The following PPARA variants were observed in gnomAD, a reference collection of about 807,000 sequenced individuals.
PPARA encodes the protein peroxisome proliferator activated receptor alpha.
PPARA carries 22 observed loss-of-function variants against 42.2 expected under a neutral mutation model. That is an observed-to-expected ratio of 0.52 (90% CI 0.37 to 0.74). The LOEUF is 0.74. Among genes scored for constraint, PPARA ranks in the 30% least tolerant of loss-of-function variants. The pLI is 0.00. For synonymous variants in PPARA, 242 were observed against 239.3 expected (o/e 1.01, Z -0.10); for missense variants, 465 against 608.2 (o/e 0.76, Z 2.48).
In PPARA at chr22:46,198,438, C is replaced by G; in HGVS notation, c.55C>G (p.Leu19Val). 1.2e-6 allele frequency: 2 copies of G among 1,613,874 alleles called. No homozygotes were observed. The highest frequency in any genetic ancestry group is 1.7e-6 in the Non-Finnish European group (2 of 1,179,958). The change falls in exon 4 of 9, where the codon CTA (leucine) becomes GTA (valine). Residue 19 changes from leucine (L) to valine (V), a missense_variant. Coordinates refer to ENST00000407236, the MANE Select transcript of PPARA (RefSeq NM_005036.6). ...CPLSPLEAGD[L>V]ESPLSEEFLQ... ...CCTCTCCCCACTCGAGGCCGGCGAT[C>G]TAGAGAGCCCGTTATCTGAAGAGTT...
chr22:46,175,040 T>C (rs1928813008), intron 2 of PPARA, among the ~76,000 whole-genome samples: 1 of 151,980 alleles, frequency 6.6e-6, no homozygotes, highest in African/African-American at 2.4e-5. Flanking sequence ...GCCTCCTGAG[T>C]AGCTGGGTTC....
intron 3 of PPARA, among the ~76,000 whole-genome samples, chr22:46,189,049 C>T (rs559986963): frequency 2.4e-4 from 37 of 152,336 alleles, no homozygotes; most frequent in Non-Finnish European, 5.0e-4. Flanking sequence ...CTATGCGTCC[C>T]ATCCTGTATC....
rs575362253 is a variant in PPARA at position 46,232,919 on chromosome 22, T to C, written c.1159+680T>C. 2.8e-4 allele frequency among the ~76,000 whole-genome samples: 41 copies of C among 148,206 alleles called. No individual in the cohort carries two copies. The highest frequency in any genetic ancestry group is 8.7e-4 in the African/African-American group (35 of 40,172). On this transcript the variant is annotated intron_variant, in intron 8 of 8. Coordinates refer to ENST00000407236, the MANE Select transcript of PPARA (RefSeq NM_005036.6). The surrounding 1 kb of genome is among the most constrained non-coding windows in gnomAD (Gnocchi z 5.3). ...ATCACTTAAGCCCAGGAGACAAAGGTTGCAGTGAGCCAAGGTCACGCCACC... is the reference window on the plus strand; with the variant it reads ...ATCACTTAAGCCCAGGAGACAAAGGCTGCAGTGAGCCAAGGTCACGCCACC...
intron 3 of PPARA, 91 bp from the exon 4 acceptor site, chr22:46,198,251 A>G (rs1302530016): frequency 6.4e-6 from 3 of 465,454 alleles, no homozygotes; most frequent in African/African-American, 2.1e-5. Flanking sequence ...AAAAAAAAAA[A>G]AAGAATAAAT....
At position 46,242,240 on chromosome 22, in the gene PPARA, A is replaced by G. The variant is rs1936391656; in HGVS notation, c.*6860A>G. 1 of 152,574 alleles carries G rather than the reference A, an allele frequency of 6.6e-6. No individual in the cohort carries two copies. Among genetic ancestry groups the G allele is most frequent in the South Asian group, 2.1e-4 (1 of 4,834 alleles). 9.5% of individuals were successfully genotyped at this position (152,574 alleles called of 1,614,324 possible). A position where few individuals can be genotyped will look rare whatever the true frequency, so the allele number is the denominator to read the frequency against. ...GGGGGGCATGCCGCAGCCCTGGGAC[A>G]CAGTCGGGCACCTTCCCCGGACCCC... On this transcript the variant is annotated 3_prime_UTR_variant, in exon 9 of 9. Coordinates refer to ENST00000407236, the MANE Select transcript of PPARA (RefSeq NM_005036.6). This position sits in a 1 kb window ranked among gnomAD's most constrained non-coding sequence, Gnocchi z 6.1.
At chr22:46,207,668 ATTATTATTATTTTTTTTTTTTTTT>A (rs1371171505) in intron 4 of PPARA, among the ~76,000 whole-genome samples, 2 of 79,768 alleles carry the variant, frequency 2.5e-5, no homozygotes, top group Admixed American at 1.3e-4. Flanking sequence ...TATTATTATT[ATTATTATTATTTTTTTTTTTTTTT>A]TTTTTTTTAG....
In PPARA at chr22:46,157,725, A is replaced by G. The variant is rs537967486; in HGVS notation, c.-127+5755A>G. Among the ~76,000 whole-genome samples, 3 of 152,092 alleles carry G rather than the reference A, an allele frequency of 2.0e-5. No homozygotes were observed. In the South Asian group the frequency reaches 6.2e-4, roughly 32 times the overall value. ...GGGAAGTGAGGTGGGCAGCACTGAT[A>G]TTTAACAAGGTGAGGGTCCTTCTCC... On this transcript the variant is annotated intron_variant, in intron 2 of 8. Coordinates refer to ENST00000407236, the MANE Select transcript of PPARA (RefSeq NM_005036.6).
rs1396392712 is a variant in PPARA, at chr22:46,234,176, C to A, written c.1160-957C>A. 2.0e-5 allele frequency among the ~76,000 whole-genome samples: 3 copies of A among 152,104 alleles called. No individual in the cohort carries two copies. Among genetic ancestry groups the A allele is most frequent in the Non-Finnish European group, 4.4e-5 (3 of 68,026 alleles). ...GTTATAGCCCCAGCCACTCTGGAGG[C>A]CGAGGCAGGAGGATTGCTTGAGCCT... is the stretch of plus-strand genomic sequence containing the variant. On this transcript the variant is annotated intron_variant, in intron 8 of 8. Coordinates refer to ENST00000407236, the MANE Select transcript of PPARA (RefSeq NM_005036.6). The surrounding 1 kb of genome is among the most constrained non-coding windows in gnomAD (Gnocchi z 5.8).
chr22:46,157,060 C>T (rs1285908426), intron 2 of PPARA, among the ~76,000 whole-genome samples: 1 of 152,182 alleles, frequency 6.6e-6, no homozygotes, highest in Non-Finnish European at 1.5e-5. Flanking sequence ...CATGCCTGGA[C>T]ACAGTTCCGT....
At chr22:46,155,883 A>T (rs983240067) in intron 2 of PPARA, 9 of 152,252 alleles carry the variant, frequency 5.9e-5, no homozygotes, top group Admixed American at 3.9e-4. Flanking sequence ...GCTTGCATGC[A>T]CTGAGCTTCT....
chr22:46,159,079 C>T (rs911336836), intron 2 of PPARA, among the ~76,000 whole-genome samples: 13 of 151,952 alleles, frequency 8.6e-5, no homozygotes, highest in African/African-American at 2.9e-4. Flanking sequence ...TTAGTGGAGA[C>T]GGGCTTTCAC....
In PPARA at chr22:46,231,854, G is replaced by C. The variant is rs188672627; in HGVS notation, c.774G>C (p.Leu258=). ...CTGAGAAGACGCTGGTGGCCAAGCT[G>C]GTGGCCAATGGCATCCAGAACAAGG... The part of the protein sequence containing the change: ...CMAEKTLVAK[L]VANGIQNKEA... The change falls in exon 8 of 9, where the codon CTG becomes CTC. Residue 258 remains leucine, a synonymous_variant. Transcript: ENST00000407236. The surrounding 1 kb of genome is among the most constrained non-coding windows in gnomAD (Gnocchi z 7.7). The C allele has an allele frequency of 5.9e-5, 96 of 1,614,092 alleles. No homozygotes were observed. The African/African-American group carries it at 1.1e-3, about 18-fold the overall frequency.
intron 2 of PPARA, among the ~76,000 whole-genome samples, chr22:46,170,132 C>T (rs946521754): frequency 2.0e-5 from 3 of 150,406 alleles, no homozygotes; most frequent in Non-Finnish European, 3.0e-5. Flanking sequence ...TTTAGAAAAA[C>T]ATTTGTTCTG....
rs924975738 is a variant in PPARA, at chr22:46,193,029, G to T, written c.-42-5313G>T. 3.9e-5 allele frequency among the ~76,000 whole-genome samples: 6 copies of T among 152,162 alleles called. No individual in the cohort carries two copies. The highest frequency in any genetic ancestry group is 7.2e-5 in the African/African-American group (3 of 41,448). ...GATGGTTAACAGGTACAAAAAACTAGAAAGAATGAATAAGACCCACTAGGT... is the reference window on the plus strand; with the variant it reads ...GATGGTTAACAGGTACAAAAAACTATAAAGAATGAATAAGACCCACTAGGT... On this transcript the variant is annotated intron_variant, in intron 3 of 8. Coordinates refer to ENST00000407236, the MANE Select transcript of PPARA (RefSeq NM_005036.6). The surrounding 1 kb of genome is among the most constrained non-coding windows in gnomAD (Gnocchi z 5.3).
intron 4 of PPARA, among the ~76,000 whole-genome samples, chr22:46,210,231 C>T (rs992811566): frequency 6.7e-6 from 1 of 149,872 alleles, no homozygotes; most frequent in African/African-American, 2.5e-5. Context: ...ATTGCTTGAA[C>T]CCGGGAGGCA....
At chr22:46,170,824 G>A (rs1350939521) in intron 2 of PPARA, among the ~76,000 whole-genome samples, 2 of 151,678 alleles carry the variant, frequency 1.3e-5, no homozygotes, top group Non-Finnish European at 2.9e-5. Context: ...CCCCCCAAAT[G>A]TGTAGAATGG....
chr22:46,238,380 C>T lies in PPARA; in HGVS notation c.*3000C>T, dbSNP rs1157878277. The T allele has an allele frequency of 2.0e-5, 3 of 152,202 alleles. No individual in the cohort carries two copies. Among genetic ancestry groups the T allele is most frequent in the Non-Finnish European group, 4.4e-5 (3 of 68,044 alleles). The allele number at this position is 152,202 out of a possible 1,614,324, so 9.4% of individuals were successfully genotyped here. On this transcript the variant is annotated 3_prime_UTR_variant, in exon 9 of 9. Transcript: ENST00000407236. The surrounding 1 kb of genome is among the most constrained non-coding windows in gnomAD (Gnocchi z 8.3). ...TCAAATGGGAACTATTAACAGAGTG[C>T]ATTTCTTGCTTGCTGGGTTTCAACA...
At position 46,227,656 on chromosome 22, in the gene PPARA, T is replaced by C. The variant is rs948390322; in HGVS notation, c.712-4136T>C. On this transcript the variant is annotated intron_variant, in intron 7 of 8. Coordinates refer to ENST00000407236, the MANE Select transcript of PPARA (RefSeq NM_005036.6). The surrounding 1 kb of genome is among the most constrained non-coding windows in gnomAD (Gnocchi z 4.3). ...CCACATGAGTGTGTGCCGGGACCAGTGTGGCAGCAAGCGGGGCGTTCTGCT... is the reference window on the plus strand; with the variant it reads ...CCACATGAGTGTGTGCCGGGACCAGCGTGGCAGCAAGCGGGGCGTTCTGCT... 6.6e-6 allele frequency among the ~76,000 whole-genome samples: 1 copy of C among 152,210 alleles called. No individual in the cohort carries two copies. The highest frequency in any genetic ancestry group is 1.5e-5 in the Non-Finnish European group (1 of 68,030).
At chr22:46,159,384 G>A (rs149531692) in intron 2 of PPARA, among the ~76,000 whole-genome samples, 309 of 152,282 alleles carry the variant, frequency 2.0e-3, no homozygotes, top group Non-Finnish European at 3.6e-3. Context: ...GTGAAGCAGC[G>A]TATTTTGCTT....
Sources: allele counts gnomAD v4.1 joint callset (sites outside exome capture counted in the v4.1 genomes callset), GRCh38; gene constraint gnomAD v4.1.1; non-coding constraint Gnocchi (gnomAD v3.1); transcripts MANE v1.5; gene names NCBI Gene and HGNC (gene_info 2026-07-23, HGNC 2026-07-21).